The following MBD2 variants were observed in gnomAD, a reference collection of about 807,000 sequenced individuals.
MBD2 encodes the protein methyl-CpG binding domain protein 2.
MBD2 carries 9 observed loss-of-function variants against 39.3 expected under a neutral mutation model. That is an observed-to-expected ratio of 0.23 (90% CI 0.14 to 0.40). The LOEUF (loss-of-function observed/expected upper bound fraction) is 0.40, where lower values mean the gene tolerates loss of function less well. MBD2 is among the 10% of genes least tolerant of loss of function. The pLI is 1.00. For synonymous variants in MBD2, 233 were observed against 211.1 expected (o/e 1.10, Z -0.90); for missense variants, 458 against 532.6 (o/e 0.86, Z 1.38).
intron 1 of MBD2, among the ~76,000 whole-genome samples, chr18:54,220,902 A>C (rs945161848): frequency 1.3e-5 from 2 of 152,242 alleles, no homozygotes; most frequent in Non-Finnish European, 1.5e-5. Context: ...GAAGAAAAAC[A>C]AGACTGGTTG....
At chr18:54,172,163 G>C (rs1345780965) in intron 3 of MBD2, among the ~76,000 whole-genome samples, 1 of 152,208 alleles carries the variant, frequency 6.6e-6, no homozygotes, top group Admixed American at 6.5e-5. Context: ...AGGCAGAATT[G>C]AGAAGACAGG....
chr18:54,194,758 T>G (rs1167507653), intron 2 of MBD2, among the ~76,000 whole-genome samples: 2 of 152,078 alleles, frequency 1.3e-5, no homozygotes, highest in Admixed American at 6.6e-5. Context: ...GCCATTCAAA[T>G]TCTCTGAACT....
chr18:54,176,860 T>C (rs1462870656), intron 3 of MBD2, among the ~76,000 whole-genome samples: 1 of 152,218 alleles, frequency 6.6e-6, no homozygotes, highest in East Asian at 1.9e-4. Context: ...CAAACTACAA[T>C]GTGATCTCTC....
In MBD2 at chr18:54,170,496, T is replaced by C. The variant is rs887035081; in HGVS notation, c.841-4330A>G. 2.6e-5 allele frequency among the ~76,000 whole-genome samples: 4 copies of C among 152,202 alleles called. No homozygotes were observed. The South Asian group carries it at 8.3e-4, about 32-fold the overall frequency. ...AACCGAGGCTGATAATGTTGATTAT[T>C]ATTTACCTTCATCACTCCGAGTTTA... is the stretch of plus-strand genomic sequence containing the variant. On this transcript the variant is annotated intron_variant, in intron 3 of 6. Coordinates refer to ENST00000256429, the MANE Select transcript of MBD2 (RefSeq NM_003927.5).
intron 5 of MBD2, 118 bp from the exon 6 acceptor site, chr18:54,160,021 C>T (rs2086084163): frequency 8.3e-7 from 1 of 1,199,342 alleles, no homozygotes; most frequent in Non-Finnish European, 1.1e-6. Context: ...AATAGACTTC[C>T]TTTTCAGATT....
In MBD2 at chr18:54,183,690, A is replaced by G. The variant is rs1165530466; in HGVS notation, c.840+5184T>C. ...CTGAGTAAGAGGTAAAGCAGATAGTAAACACACACAATGCCAAGAAGTTTG... is the reference window on the plus strand; with the variant it reads ...CTGAGTAAGAGGTAAAGCAGATAGTGAACACACACAATGCCAAGAAGTTTG... On this transcript the variant is annotated intron_variant, in intron 3 of 6. Transcript: ENST00000256429. Among the ~76,000 whole-genome samples the G allele has an allele frequency of 1.4e-4, 22 of 152,252 alleles. 1 individual carries two copies. Among genetic ancestry groups the G allele is most frequent in the Admixed American group, 1.4e-3 (22 of 15,286 alleles).
chr18:54,203,042 T>C (rs1380105275), intron 2 of MBD2: 6 of 1,342,068 alleles, frequency 4.5e-6, no homozygotes, highest in South Asian at 2.3e-5. Flanking sequence ...AAACAGCGTA[T>C]GAGCAAGCAG....
chr18:54,208,432 C>T (rs956319594), intron 1 of MBD2, among the ~76,000 whole-genome samples: 5 of 152,130 alleles, frequency 3.3e-5, no homozygotes, highest in Non-Finnish European at 2.9e-5. Flanking sequence ...ACAGACGTTG[C>T]GGCAAGCCGA....
intron 1 of MBD2, among the ~76,000 whole-genome samples, chr18:54,211,388 T>C (rs369501693): frequency 6.3e-4 from 94 of 148,220 alleles, no homozygotes; most frequent in African/African-American, 1.8e-3. Context: ...ATTATTGCTA[T>C]ACACACACAC....
At chr18:54,210,958 G>A (rs1238194389) in intron 1 of MBD2, among the ~76,000 whole-genome samples, 1 of 135,726 alleles carries the variant, frequency 7.4e-6, no homozygotes, top group African/African-American at 2.8e-5. Context: ...TGCAAGCTCC[G>A]CCTCCCGGGT....
At chr18:54,156,652 A>AG (rs750196438) in intron 6 of MBD2, among the ~76,000 whole-genome samples, 6 of 152,144 alleles carry the variant, frequency 3.9e-5, no homozygotes, top group Admixed American at 6.5e-5. Context: ...CAAGAGTTCA[A>AG]GACCAACCTG....
chr18:54,161,131 A>G (rs2086094861), intron 5 of MBD2, among the ~76,000 whole-genome samples: 1 of 152,186 alleles, frequency 6.6e-6, no homozygotes, highest in Non-Finnish European at 1.5e-5. Context: ...CCAGCTGCCA[A>G]GTTATATTCA....
intron 1 of MBD2, among the ~76,000 whole-genome samples, chr18:54,211,388 TACACAC>T (rs113321648): frequency 1.8e-4 from 27 of 148,112 alleles, no homozygotes; most frequent in African/African-American, 4.7e-4. Context: ...ATTATTGCTA[TACACAC>T]ACACACACAC....
At chr18:54,199,706 T>C (rs1246312816) in intron 2 of MBD2, among the ~76,000 whole-genome samples, 1 of 152,144 alleles carries the variant, frequency 6.6e-6, no homozygotes, top group Non-Finnish European at 1.5e-5. Context: ...AACCATCAGG[T>C]ACTTACATCT....
intron 1 of MBD2, among the ~76,000 whole-genome samples, chr18:54,214,767 T>G (rs2086542697): frequency 6.8e-6 from 1 of 148,076 alleles, no homozygotes. Flanking sequence ...TTAGACGGAG[T>G]CTCGCTCTGT....
intron 4 of MBD2, 109 bp downstream of exon 4, chr18:54,165,967 C>T: frequency 2.8e-6 from 2 of 722,750 alleles, no homozygotes; most frequent in Non-Finnish European, 2.4e-6. Flanking sequence ...TATGACCTCC[C>T]AAAGCAAAGG....
chr18:54,173,647 T>C (rs572500915), intron 3 of MBD2, among the ~76,000 whole-genome samples: 3 of 152,346 alleles, frequency 2.0e-5, no homozygotes, highest in Middle Eastern at 3.4e-3. Context: ...AACCTTTCCT[T>C]AACTCCTCAT....
At chr18:54,156,856 A>T (rs931536597) in intron 6 of MBD2, among the ~76,000 whole-genome samples, 3 of 152,232 alleles carry the variant, frequency 2.0e-5, no homozygotes, top group East Asian at 1.9e-4. Flanking sequence ...TCCATCTCAA[A>T]AATAATAATA....
At chr18:54,181,559 G>A (rs1378122505) in intron 3 of MBD2, among the ~76,000 whole-genome samples, 1 of 152,058 alleles carries the variant, frequency 6.6e-6, no homozygotes, top group Non-Finnish European at 1.5e-5. Context: ...GAGTGCAGCG[G>A]TGCGATCTCG....
Sources: gnomAD v4.1 joint callset for allele counts (sites outside exome capture counted in the v4.1 genomes callset) on GRCh38, gnomAD v4.1.1 for gene constraint, MANE v1.5 for transcripts, NCBI Gene and HGNC (gene_info 2026-07-23, HGNC 2026-07-21) for gene names.